The following TULP4 variants were observed in gnomAD, a reference collection of about 807,000 sequenced individuals.
TULP4 encodes tubby-related protein 4.
In TULP4, 16 loss-of-function variants were observed where a neutral mutation model predicts 129.0. The ratio of observed to expected loss-of-function variants is 0.12; its 90% CI spans 0.08 to 0.19. TULP4 has a LOEUF of 0.19. Ranked by LOEUF, TULP4 falls within the 10% of genes least tolerant of loss-of-function variation. The pLI is 1.00. For missense variants in TULP4, 1,842 were observed against 2,059.1 expected (o/e 0.89, Z 2.04); for synonymous variants, 998 against 854.0 (o/e 1.17, Z -2.94).
intron 1 of TULP4, among the ~76,000 whole-genome samples, chr6:158,365,111 T>C: frequency 6.6e-6 from 1 of 152,008 alleles, no homozygotes; most frequent in East Asian, 1.9e-4. Context: ...TCTTCAATTA[T>C]GGCACATTTT....
In TULP4 at chr6:158,481,112, A is replaced by G; in HGVS notation, c.1309A>G (p.Asn437Asp). ...RDFVSYPSAG[N>D]ERLHCTMKRT... is the part of the protein sequence containing the mutation. ...CTTTGTCAGCTACCCATCAGCCGGC[A>G]ACGAGCGGCTGCACTGCACCATGAA... Residue 437 changes from asparagine to aspartate, a missense_variant, in exon 8 of 14, where the codon AAC becomes GAC. Transcript: ENST00000367097. The G allele has an allele frequency of 1.2e-6, 2 of 1,601,334 alleles. No individual in the cohort carries two copies. The highest frequency in any genetic ancestry group is 1.1e-5 in the South Asian group (1 of 90,730).
chr6:158,326,986 C>T (rs957192453), intron 1 of TULP4, among the ~76,000 whole-genome samples: 3 of 152,084 alleles, frequency 2.0e-5, no homozygotes, highest in East Asian at 1.9e-4. Context: ...GGGCTGACTG[C>T]GGGATTTGAG....
intron 2 of TULP4, among the ~76,000 whole-genome samples, chr6:158,425,233 G>C (rs1778453855): frequency 6.6e-6 from 1 of 150,654 alleles, no homozygotes; most frequent in African/African-American, 2.4e-5. Flanking sequence ...CTGACAACAG[G>C]CTGGGTGCGG....
chr6:158,366,917 C>T (rs1268565733), intron 1 of TULP4, among the ~76,000 whole-genome samples: 2 of 152,192 alleles, frequency 1.3e-5, no homozygotes, highest in Admixed American at 6.5e-5. Flanking sequence ...CTTTCCTGTC[C>T]TTATGCGTCT....
At chr6:158,483,906 T>C (rs927529552) in intron 8 of TULP4, among the ~76,000 whole-genome samples, 3 of 151,126 alleles carry the variant, frequency 2.0e-5, no homozygotes, top group Admixed American at 2.0e-4. Flanking sequence ...TTATACCAGA[T>C]ACCATGAGTC....
chr6:158,250,392 G>A (rs764959389), intron 1 of TULP4, among the ~76,000 whole-genome samples: 2 of 151,980 alleles, frequency 1.3e-5, no homozygotes, highest in Admixed American at 6.6e-5. Flanking sequence ...TCTTGACCTC[G>A]TGATCTGCCT....
rs1263142440 is a variant in TULP4 at position 158,509,535 on chromosome 6, G to GA, written c.*2845dup. On this transcript the variant is annotated 3_prime_UTR_variant, in exon 14 of 14. Transcript: ENST00000367097. ...CTGTTTAATAAGAGCAAATATAGGG[G>GA]AAAATCTTTGAAATGAAAGCTACAA... 1 of 152,138 alleles carries GA rather than the reference G, an allele frequency of 6.6e-6. No homozygotes were observed. The highest frequency in any genetic ancestry group is 1.5e-5 in the Non-Finnish European group (1 of 68,014). The allele number at this position is 152,138 out of a possible 1,614,324, so 9.4% of individuals were successfully genotyped here.
At chr6:158,396,662 A>T (rs1169880486) in intron 1 of TULP4, among the ~76,000 whole-genome samples, 1 of 152,238 alleles carries the variant, frequency 6.6e-6, no homozygotes, top group Non-Finnish European at 1.5e-5. Context: ...GCATAAAAAG[A>T]AGGTAAAACT....
At chr6:158,269,532 T>C (rs1778509288) in intron 1 of TULP4, among the ~76,000 whole-genome samples, 1 of 152,226 alleles carries the variant, frequency 6.6e-6, no homozygotes, top group South Asian at 2.1e-4. Context: ...ATTTGAGATT[T>C]TGATAGACTT....
At chr6:158,419,035 T>C (rs1489156122) in intron 2 of TULP4, among the ~76,000 whole-genome samples, 1 of 152,252 alleles carries the variant, frequency 6.6e-6, no homozygotes, top group Non-Finnish European at 1.5e-5. Context: ...TAATGCGTTG[T>C]TTCTGAAAAA....
At chr6:158,441,004 T>TA (rs1778883238) in intron 3 of TULP4, among the ~76,000 whole-genome samples, 1 of 152,180 alleles carries the variant, frequency 6.6e-6, no homozygotes, top group Non-Finnish European at 1.5e-5. Context: ...ATACGCTAAA[T>TA]AAAAATCTTT....
intron 1 of TULP4, among the ~76,000 whole-genome samples, chr6:158,317,065 T>G (rs1434088672): frequency 1.3e-5 from 2 of 152,028 alleles, no homozygotes; most frequent in African/African-American, 4.8e-5. Context: ...TACCAGGGGG[T>G]GTGGTTTTAG....
At chr6:158,473,721 A>G (rs1405476892) in intron 6 of TULP4, among the ~76,000 whole-genome samples, 2 of 151,846 alleles carry the variant, frequency 1.3e-5, no homozygotes, top group Admixed American at 1.3e-4. Flanking sequence ...GCGTTTCACC[A>G]TGTTGGTCAG....
At chr6:158,423,558 TAC>T (rs1281564362) in intron 2 of TULP4, among the ~76,000 whole-genome samples, 1 of 152,254 alleles carries the variant, frequency 6.6e-6, no homozygotes, top group Non-Finnish European at 1.5e-5. Context: ...TATACATATA[TAC>T]AGTTATTATG....
At chr6:158,366,695 A>G (rs1780972986) in intron 1 of TULP4, among the ~76,000 whole-genome samples, 1 of 152,222 alleles carries the variant, frequency 6.6e-6, no homozygotes, top group African/African-American at 2.4e-5. Flanking sequence ...GTTGGTAAAC[A>G]TGCCTGCCTT....
chr6:158,232,928 T>C (rs1777624944), intron 1 of TULP4, among the ~76,000 whole-genome samples: 1 of 152,244 alleles, frequency 6.6e-6, no homozygotes, highest in African/African-American at 2.4e-5. Flanking sequence ...GTCTGGAGTC[T>C]GTGCTGTTTC....
rs34473613 is a variant in TULP4, at chr6:158,305,704, CAAAA to C, written n.117-6334_117-6331del. 4.1e-3 allele frequency among the ~76,000 whole-genome samples: 560 copies of C among 136,578 alleles called. 6 individuals are homozygous for C. The highest frequency in any genetic ancestry group is 0.014 in the African/African-American group (531 of 37,182). The allele number at this position is 136,578 out of a possible 152,430, so 89.6% of individuals were successfully genotyped here. A position where few individuals can be genotyped will look rare whatever the true frequency, so the allele number is the denominator to read the frequency against. ...CGAAAGACAGAGGGAAACCCTGTCT[CAAAA>C]AAAAAAAAAAAAGTCATTTATATTG... On this transcript the variant is annotated intron_variant and non_coding_transcript_variant, in intron 1 of 1. Coordinates refer to the TULP4 transcript ENST00000432358.
rs1298529599 is a variant in TULP4, at chr6:158,508,864, G to A, written c.*2170G>A. 6 of 148,478 alleles carry A rather than the reference G, an allele frequency of 4.0e-5. No individual in the cohort carries two copies. The highest frequency in any genetic ancestry group is 7.4e-5 in the Non-Finnish European group (5 of 67,118). The allele number at this position is 148,478 out of a possible 1,614,324, so 9.2% of individuals were successfully genotyped here. On this transcript the variant is annotated 3_prime_UTR_variant, in exon 14 of 14. Transcript: ENST00000367097. ...TATATTTTGCTGCAAGAAATAAAGA[G>A]GATATGATAGAAGGTTTTTTTTTTT...
Position 158,242,208 on chromosome 6 carries a change from G to C in TULP4, n.68+9905G>C, listed in dbSNP as rs559602372. 1,431 of 1,442,400 alleles carry C rather than the reference G, an allele frequency of 9.9e-4. 6 individuals carry two copies. The highest frequency in any genetic ancestry group is 2.2e-3 in the Middle Eastern group (9 of 4,050). The allele number at this position is 1,442,400 out of a possible 1,614,324, so 89.4% of individuals were successfully genotyped here. On this transcript the variant is annotated intron_variant and non_coding_transcript_variant, in intron 1 of 1. Transcript: ENST00000620026. ...CAGTGTCTTCTGATAATGAATGGTGGCAAAGACCTTCAGCTTTTTGTAGGA... is the reference window on the plus strand; with the variant it reads ...CAGTGTCTTCTGATAATGAATGGTGCCAAAGACCTTCAGCTTTTTGTAGGA...
Sources: gnomAD v4.1 joint callset for allele counts (sites outside exome capture counted in the v4.1 genomes callset) on GRCh38, gnomAD v4.1.1 for gene constraint, MANE v1.5 for transcripts, NCBI Gene and HGNC (gene_info 2026-07-23, HGNC 2026-07-21) for gene names.